Variants in RBPJ observed in about 807,000 individuals in gnomAD.
The protein encoded by RBPJ is recombining binding protein suppressor of hairless.
In RBPJ, 9 loss-of-function variants were observed where a neutral mutation model predicts 67.8. That is an observed-to-expected ratio of 0.13 (90% CI 0.08 to 0.23). The LOEUF is 0.23. RBPJ is among the 10% of genes least tolerant of loss of function. The probability of loss-of-function intolerance (pLI) is 1.00; values close to 1 mark genes in which losing one functional copy is unlikely to be tolerated. For missense variants in RBPJ, 305 were observed against 595.6 expected, an observed-to-expected ratio of 0.51 and a Z score of 5.08; for synonymous variants, 198 against 203.3, an observed-to-expected ratio of 0.97 and a Z score of 0.22.
At chr4:26,241,816 C>A (rs112312823) in intron 1 of RBPJ, among the ~76,000 whole-genome samples, 142 of 152,180 alleles carry the variant, frequency 9.3e-4, no homozygotes, top group African/African-American at 3.3e-3. Flanking sequence ...CTGGCCCTAA[C>A]CTTCTCTCTT....
chr4:26,257,399 G>T (rs1720376068), intron 1 of RBPJ, among the ~76,000 whole-genome samples: 1 of 152,242 alleles, frequency 6.6e-6, no homozygotes, highest in Non-Finnish European at 1.5e-5. Context: ...GGAGGCCAGG[G>T]CAGGTGGATC....
chr4:26,353,390 G>C (rs879387861), intron 1 of RBPJ, among the ~76,000 whole-genome samples: 11 of 152,144 alleles, frequency 7.2e-5, no homozygotes, highest in Non-Finnish European at 1.0e-4. Flanking sequence ...GAGAGACCAG[G>C]CTTTGAATTC....
At chr4:26,198,665 AG>A (rs1230126070) in intron 1 of RBPJ, among the ~76,000 whole-genome samples, 1 of 152,224 alleles carries the variant, frequency 6.6e-6, no homozygotes. Flanking sequence ...CACAGAGAAA[AG>A]TTTGGCTTGC....
chr4:26,401,950 GC>G (rs1399681739), intron 2 of RBPJ, among the ~76,000 whole-genome samples: 1 of 146,684 alleles, frequency 6.8e-6, no homozygotes, highest in Non-Finnish European at 1.5e-5. Flanking sequence ...GTGCAATGGT[GC>G]AATCTTGGCT....
intron 1 of RBPJ, among the ~76,000 whole-genome samples, chr4:26,272,368 C>T (rs1031047099): frequency 2.0e-5 from 3 of 152,076 alleles, no homozygotes; most frequent in South Asian, 4.2e-4. Flanking sequence ...GAGTTGGAGA[C>T]CAGCCTGGGC....
chr4:26,219,237 C>G (rs1031634072), intron 1 of RBPJ, among the ~76,000 whole-genome samples: 4 of 152,112 alleles, frequency 2.6e-5, no homozygotes, highest in Admixed American at 6.5e-5. Flanking sequence ...TGCCCACCAG[C>G]CTACCAGCCA....
rs151007778 is a variant in RBPJ at position 26,237,160 on chromosome 4, C to T, written c.-167+73546C>T. On this transcript the variant is annotated intron_variant, in intron 1 of 4. Transcript: ENST00000512351. ...ATAGCTCTGGGAAGCACCTGGAGAACCTTATCACTACCTGATCACGAAGTC... is the reference window on the plus strand; with the variant it reads ...ATAGCTCTGGGAAGCACCTGGAGAATCTTATCACTACCTGATCACGAAGTC... Among the ~76,000 whole-genome samples, 837 of 152,236 alleles carry T rather than the reference C, an allele frequency of 5.5e-3. 13 individuals are homozygous for T. Among genetic ancestry groups the T allele is most frequent in the African/African-American group, 0.019 (809 of 41,534 alleles).
intron 1 of RBPJ, among the ~76,000 whole-genome samples, chr4:26,275,791 C>T (rs1721059226): frequency 6.6e-6 from 1 of 151,948 alleles, no homozygotes; most frequent in Admixed American, 6.6e-5. Context: ...CCACCACACC[C>T]AGCTACTTTT....
chr4:26,138,682 T>C, the RBPJ span, among the ~76,000 whole-genome samples: 1 of 152,176 alleles, frequency 6.6e-6, no homozygotes, highest in Non-Finnish European at 1.5e-5. Context: ...GGCCGTCCCA[T>C]GTTAGTGACC....
At chr4:26,255,390 C>T (rs1203083300) in intron 1 of RBPJ, among the ~76,000 whole-genome samples, 5 of 88,766 alleles carry the variant, frequency 5.6e-5, no homozygotes, top group African/African-American at 1.2e-4. Flanking sequence ...GGCGACAGAG[C>T]GAGACTCCGT....
intron 3 of RBPJ, among the ~76,000 whole-genome samples, chr4:26,407,973 C>A (rs561591516): frequency 3.7e-4 from 50 of 133,886 alleles, no homozygotes; most frequent in Non-Finnish European, 6.9e-4. Context: ...TTACTGGGCT[C>A]AGGTGGTCCT....
intron 1 of RBPJ, among the ~76,000 whole-genome samples, chr4:26,214,345 AAGG>A (rs1311154485): frequency 7.4e-6 from 1 of 134,620 alleles, no homozygotes; most frequent in Non-Finnish European, 1.6e-5. Flanking sequence ...AAAGAAAGAA[AAGG>A]AAGAGAAAGG....
At chr4:26,125,072 G>A in the RBPJ span, among the ~76,000 whole-genome samples, 1 of 152,186 alleles carries the variant, frequency 6.6e-6, no homozygotes, top group African/African-American at 2.4e-5. Context: ...AAGGGGGAAG[G>A]GAAAAGGGGA....
intron 1 of RBPJ, among the ~76,000 whole-genome samples, chr4:26,331,735 C>T (rs376296261): frequency 6.6e-6 from 1 of 152,218 alleles, no homozygotes; most frequent in African/African-American, 2.4e-5. Flanking sequence ...TGCTCCTACT[C>T]GAGAACTGGC....
At chr4:26,384,369 A>G (rs1730600777) in intron 1 of RBPJ, among the ~76,000 whole-genome samples, 1 of 152,228 alleles carries the variant, frequency 6.6e-6, no homozygotes, top group Non-Finnish European at 1.5e-5. Flanking sequence ...CTTAGGACAA[A>G]TGAACAAAAT....
At chr4:26,381,713 G>A (rs1474170807) in intron 1 of RBPJ, among the ~76,000 whole-genome samples, 3 of 152,128 alleles carry the variant, frequency 2.0e-5, no homozygotes, top group African/African-American at 7.2e-5. Flanking sequence ...TGAGGGAAAA[G>A]TATACAGAAC....
chr4:26,175,785 C>T (rs1478172755), intron 1 of RBPJ, among the ~76,000 whole-genome samples: 2 of 152,198 alleles, frequency 1.3e-5, no homozygotes, highest in Admixed American at 6.5e-5. Context: ...AGAGGTTTAG[C>T]AGTGTGCCAG....
At chr4:26,319,797 C>A, upstream of RBPJ, 1 of 1,377,088 alleles carries the variant, frequency 7.3e-7, no homozygotes, top group South Asian at 1.2e-5. Context: ...TCCAGTTCTC[C>A]GGGTTTTGGG....
chr4:26,114,405 C>T, the RBPJ span, among the ~76,000 whole-genome samples: 1 of 148,512 alleles, frequency 6.7e-6, no homozygotes, highest in Non-Finnish European at 1.5e-5. Flanking sequence ...TGCAGTGAGC[C>T]AAGATCGCAC....
Sources: gnomAD v4.1 joint callset for allele counts (sites outside exome capture counted in the v4.1 genomes callset) on GRCh38, gnomAD v4.1.1 for gene constraint, MANE v1.5 for transcripts, NCBI Gene and HGNC (gene_info 2026-07-23, HGNC 2026-07-21) for gene names.